CADPS2: variants seen among roughly 807,000 people sequenced by gnomAD.
The protein encoded by CADPS2 is calcium dependent secretion activator 2, also known as calcium-dependent secretion activator 2.
CADPS2 carries 93 observed loss-of-function variants against 172.5 expected under a neutral mutation model. The observed-to-expected ratio is 0.54, with a 90% CI of 0.46 to 0.64. CADPS2 has a LOEUF of 0.64. Among genes scored for constraint, CADPS2 ranks in the 30% least tolerant of loss-of-function variants. The pLI, the probability that CADPS2 is intolerant of heterozygous loss-of-function variation, is 0.00. For synonymous variants in CADPS2, 546 were observed against 555.2 expected (o/e 0.98, Z 0.23); for missense variants, 1,420 against 1,565.9 (o/e 0.91, Z 1.57).
intron 1 of CADPS2, among the ~76,000 whole-genome samples, chr7:122,844,808 G>C (rs553853062): frequency 1.3e-5 from 2 of 152,182 alleles, no homozygotes; most frequent in East Asian, 3.9e-4. Context: ...CAGAGACAAA[G>C]TGAGTGGGGA....
At chr7:122,479,114 ACT>A (rs953231112) in intron 12 of CADPS2, among the ~76,000 whole-genome samples, 16 of 152,118 alleles carry the variant, frequency 1.1e-4, no homozygotes, top group African/African-American at 3.9e-4. Flanking sequence ...TTCTGAGGTC[ACT>A]CTGGTGTCTG....
At chr7:122,685,581 T>C (rs2083526456) in intron 2 of CADPS2, among the ~76,000 whole-genome samples, 1 of 152,224 alleles carries the variant, frequency 6.6e-6, no homozygotes, top group Non-Finnish European at 1.5e-5. Flanking sequence ...TTCAGCTCAT[T>C]ATCTTCTTGG....
intron 8 of CADPS2, among the ~76,000 whole-genome samples, chr7:122,517,841 GA>G (rs1421046586): frequency 6.6e-6 from 1 of 151,676 alleles, no homozygotes; most frequent in Non-Finnish European, 1.5e-5. Flanking sequence ...AAAATGGAGC[GA>G]AAATCTTTTT....
chr7:122,614,044 A>G (rs73435725), intron 6 of CADPS2, among the ~76,000 whole-genome samples: 6,463 of 152,060 alleles, frequency 0.043, 148 homozygotes, highest in South Asian at 0.1. Context: ...GAAAGCAGCT[A>G]TACAAAGATA....
chr7:122,614,017 G>A lies in CADPS2; in HGVS notation c.1223+1164C>T, dbSNP rs534756508. On this transcript the variant is annotated intron_variant, in intron 6 of 29. Coordinates refer to ENST00000449022, the MANE Select transcript of CADPS2 (RefSeq NM_017954.11). Reference sequence around the variant, plus strand: ...GATTATTCTCAGTGATGGTTAAGTTGAGATTCTCAATGCCAAGAAAGCAGC... The same window carrying A: ...GATTATTCTCAGTGATGGTTAAGTTAAGATTCTCAATGCCAAGAAAGCAGC... 3.9e-5 allele frequency among the ~76,000 whole-genome samples: 6 copies of A among 152,154 alleles called. No individual in the cohort carries two copies. In the South Asian group the frequency reaches 1.2e-3, roughly 32 times the overall value.
At chr7:122,404,326 T>C (rs188811786) in intron 20 of CADPS2, among the ~76,000 whole-genome samples, 163 of 152,314 alleles carry the variant, frequency 1.1e-3, no homozygotes, top group African/African-American at 3.8e-3. Flanking sequence ...CATGAACTCA[T>C]CATTTTTTAA....
intron 6 of CADPS2, among the ~76,000 whole-genome samples, chr7:122,603,652 A>G (rs1341908655): frequency 6.6e-6 from 1 of 152,112 alleles, no homozygotes; most frequent in Non-Finnish European, 1.5e-5. Flanking sequence ...ATAAATAGCC[A>G]TAGTAACACA....
chr7:122,678,227 A>C (rs2082587149), intron 2 of CADPS2, among the ~76,000 whole-genome samples: 1 of 152,224 alleles, frequency 6.6e-6, no homozygotes, highest in African/African-American at 2.4e-5. Flanking sequence ...ATTTTAATAA[A>C]GCTGATTTTA....
At chr7:122,817,770 G>A (rs969921089) in intron 1 of CADPS2, among the ~76,000 whole-genome samples, 2 of 151,848 alleles carry the variant, frequency 1.3e-5, no homozygotes, top group Admixed American at 6.6e-5. Context: ...TTTCTAGAGG[G>A]GCAATTACCC....
chr7:122,473,513 C>CA (rs1216562536), intron 13 of CADPS2, among the ~76,000 whole-genome samples: 1 of 152,048 alleles, frequency 6.6e-6, no homozygotes, highest in Non-Finnish European at 1.5e-5. Context: ...GCAAATATTC[C>CA]AAAATCTGAA....
At chr7:122,712,381 T>G (rs1227718278) in intron 2 of CADPS2, among the ~76,000 whole-genome samples, 1 of 152,164 alleles carries the variant, frequency 6.6e-6, no homozygotes, top group African/African-American at 2.4e-5. Context: ...CTAAGAACCA[T>G]CTATTCAAAA....
chr7:122,716,294 G>A (rs960958185), intron 2 of CADPS2, among the ~76,000 whole-genome samples: 2 of 152,136 alleles, frequency 1.3e-5, no homozygotes, highest in African/African-American at 4.8e-5. Context: ...CTAACATGTG[G>A]CATATGTACT....
At chr7:122,325,074 G>A (rs1271954103) in intron 29 of CADPS2, among the ~76,000 whole-genome samples, 1 of 152,058 alleles carries the variant, frequency 6.6e-6, no homozygotes, top group Non-Finnish European at 1.5e-5. Context: ...TAAAATAACT[G>A]AGACTCTCCT....
chr7:122,720,241 T>C (rs73719754), intron 2 of CADPS2, among the ~76,000 whole-genome samples: 7,558 of 152,018 alleles, frequency 0.05, 638 homozygotes, highest in African/African-American at 0.17. Context: ...ACCATTTAAT[T>C]ACACTTTTAG....
At chr7:122,640,063 A>C (rs2077450176) in intron 3 of CADPS2, among the ~76,000 whole-genome samples, 1 of 152,188 alleles carries the variant, frequency 6.6e-6, no homozygotes, top group South Asian at 2.1e-4. Context: ...CCGTACCCCG[A>C]TCATTCATGA....
chr7:122,324,600 G>A (rs2033420569), intron 29 of CADPS2, among the ~76,000 whole-genome samples: 1 of 152,026 alleles, frequency 6.6e-6, no homozygotes. Context: ...GCAAACTACT[G>A]TGTATACTCA....
chr7:122,827,630 C>T (rs1244309062), intron 1 of CADPS2, among the ~76,000 whole-genome samples: 1 of 114,266 alleles, frequency 8.8e-6, no homozygotes, highest in African/African-American at 4.9e-5. Context: ...GAAATTCCAT[C>T]TCAAAAAAAA....
At chr7:122,430,186 G>A (rs2049707602) in intron 17 of CADPS2, among the ~76,000 whole-genome samples, 1 of 152,150 alleles carries the variant, frequency 6.6e-6, no homozygotes, top group Non-Finnish European at 1.5e-5. Flanking sequence ...ACCTCCCAAA[G>A]ACTTTGCTTA....
intron 1 of CADPS2, among the ~76,000 whole-genome samples, chr7:122,761,520 T>C (rs1285548119): frequency 6.6e-6 from 1 of 151,730 alleles, no homozygotes; most frequent in African/African-American, 2.4e-5. Context: ...GTATGAAAAG[T>C]CTCTAACACA....
Sources: allele counts gnomAD v4.1 joint callset (sites outside exome capture counted in the v4.1 genomes callset), GRCh38; gene constraint gnomAD v4.1.1; transcripts MANE v1.5; gene names NCBI Gene and HGNC (gene_info 2026-07-23, HGNC 2026-07-21).